ACTR3C: variants seen among roughly 807,000 people sequenced by gnomAD.
ACTR3C encodes the protein actin related protein 3C.
ACTR3C carries 18 observed loss-of-function variants against 26.3 expected under a neutral mutation model. The observed-to-expected ratio is 0.68, with a 90% CI of 0.47 to 1.01. The LOEUF is 1.01. Ranked by LOEUF, ACTR3C falls within the 50% of genes least tolerant of loss-of-function variation. The probability of loss-of-function intolerance (pLI) is 0.00; values close to 1 mark genes in which losing one functional copy is unlikely to be tolerated. For synonymous variants in ACTR3C, 55 were observed against 94.5 expected, an observed-to-expected ratio of 0.58 and a Z score of 2.42; for missense variants, 184 against 250.7, an observed-to-expected ratio of 0.73 and a Z score of 1.80.
chr7:150,197,378 T>C, the ACTR3C span, among the ~76,000 whole-genome samples: 14 of 152,358 alleles, frequency 9.2e-5, no homozygotes, highest in South Asian at 2.7e-3. Context: ...TGACTTGATC[T>C]GAATCAACTA....
chr7:150,116,639 C>T, the ACTR3C span, among the ~76,000 whole-genome samples: 7 of 152,104 alleles, frequency 4.6e-5, no homozygotes, highest in Non-Finnish European at 2.9e-5. Context: ...TGTTTCTAAT[C>T]CTGGGATACC....
At chr7:150,293,144 T>C (rs1413763596) in intron 3 of ACTR3C, among the ~76,000 whole-genome samples, 168 bp downstream of exon 3, 1 of 152,040 alleles carries the variant, frequency 6.6e-6, no homozygotes, top group Non-Finnish European at 1.5e-5. Context: ...GGGAATTCCT[T>C]TATATAAGGT....
the ACTR3C span, among the ~76,000 whole-genome samples, chr7:150,058,160 A>T: frequency 6.6e-6 from 1 of 152,222 alleles, no homozygotes; most frequent in Non-Finnish European, 1.5e-5. Context: ...TCCTCCACTT[A>T]GAAATAATCC....
the ACTR3C span, among the ~76,000 whole-genome samples, chr7:150,022,290 T>A: frequency 1.3e-5 from 2 of 151,858 alleles, no homozygotes; most frequent in Non-Finnish European, 2.9e-5. Context: ...TCTATTCATG[T>A]CCTTAGCCCA....
chr7:150,082,118 A>G, the ACTR3C span, among the ~76,000 whole-genome samples: 1 of 152,308 alleles, frequency 6.6e-6, no homozygotes, highest in South Asian at 2.1e-4. Flanking sequence ...CTGGGTTGTG[A>G]GCTTAGAAAG....
At chr7:149,920,803 G>A in the ACTR3C span, among the ~76,000 whole-genome samples, 1 of 151,498 alleles carries the variant, frequency 6.6e-6, no homozygotes, top group South Asian at 2.1e-4. Context: ...TTTCACTCTC[G>A]TTGCCCAGGC....
At chr7:150,164,637 G>A in the ACTR3C span, among the ~76,000 whole-genome samples, 2 of 151,982 alleles carry the variant, frequency 1.3e-5, no homozygotes, top group Non-Finnish European at 2.9e-5. Flanking sequence ...CAATAATTGA[G>A]TAAAGGAGTG....
the ACTR3C span, among the ~76,000 whole-genome samples, chr7:150,111,388 C>T: frequency 2.9e-5 from 3 of 103,850 alleles, no homozygotes; most frequent in Non-Finnish European, 5.9e-5. Context: ...AAATGCCAAG[C>T]GCGGCCCGCC....
the ACTR3C span, among the ~76,000 whole-genome samples, chr7:150,197,395 T>G: frequency 0.019 from 2,838 of 152,314 alleles, 95 homozygotes; most frequent in African/African-American, 0.065. Context: ...ACTAAGCAAG[T>G]GTGTTCAAAC....
At chr7:149,917,674 T>C in the ACTR3C span, among the ~76,000 whole-genome samples, 1 of 130,278 alleles carries the variant, frequency 7.7e-6, no homozygotes, top group Non-Finnish European at 1.6e-5. Flanking sequence ...TCTCACTCTG[T>C]CACCCAGGCT....
the ACTR3C span, among the ~76,000 whole-genome samples, chr7:150,087,916 C>A: frequency 6.6e-6 from 1 of 152,144 alleles, no homozygotes; most frequent in Non-Finnish European, 1.5e-5. Context: ...TAGAAATAGA[C>A]CAAGAGATGA....
chr7:150,040,054 G>C, the ACTR3C span, among the ~76,000 whole-genome samples: 3 of 145,324 alleles, frequency 2.1e-5, no homozygotes, highest in Admixed American at 2.0e-4. Flanking sequence ...CCGCCTCGCG[G>C]GGGGTGCCTC....
the ACTR3C span, among the ~76,000 whole-genome samples, chr7:150,199,044 G>A: frequency 2.3e-3 from 339 of 146,202 alleles, 5 homozygotes; most frequent in African/African-American, 8.5e-3. Context: ...GCCTCTGCCC[G>A]GCCGCCCCTA....
chr7:150,105,924 T>A, the ACTR3C span, among the ~76,000 whole-genome samples: 17 of 152,214 alleles, frequency 1.1e-4, no homozygotes, highest in South Asian at 2.1e-4. Flanking sequence ...ATACCTTAAG[T>A]CAATATTAAT....
At chr7:149,883,674 C>G in the ACTR3C span, among the ~76,000 whole-genome samples, 1 of 152,152 alleles carries the variant, frequency 6.6e-6, no homozygotes, top group South Asian at 2.1e-4. Flanking sequence ...GTGCCGAGGT[C>G]AGAGATGGTG....
At chr7:149,986,538 A>C in the ACTR3C span, among the ~76,000 whole-genome samples, 1 of 152,202 alleles carries the variant, frequency 6.6e-6, no homozygotes, top group Admixed American at 6.5e-5. Context: ...ACTCCTTAGT[A>C]AAGGGTAAGC....
chr7:150,010,138 G>C, the ACTR3C span, among the ~76,000 whole-genome samples: 1 of 152,316 alleles, frequency 6.6e-6, no homozygotes, highest in Admixed American at 6.5e-5. Context: ...TCAGCCCCGT[G>C]ACACTCCCTC....
At chr7:149,906,170 G>A in the ACTR3C span, among the ~76,000 whole-genome samples, 25 of 152,032 alleles carry the variant, frequency 1.6e-4, no homozygotes, top group Non-Finnish European at 3.1e-4. Context: ...TACCATATTG[G>A]AAATGTTTGA....
chr7:150,066,143 C>A, the ACTR3C span, among the ~76,000 whole-genome samples: 2 of 152,148 alleles, frequency 1.3e-5, no homozygotes, highest in Non-Finnish European at 2.9e-5. Flanking sequence ...CTCAAACATA[C>A]ACACACATAC....
Sources: gnomAD v4.1 joint callset for allele counts (sites outside exome capture counted in the v4.1 genomes callset) on GRCh38, gnomAD v4.1.1 for gene constraint, MANE v1.5 for transcripts, NCBI Gene and HGNC (gene_info 2026-07-23, HGNC 2026-07-21) for gene names.